Variants in HMGCLL1 observed in about 807,000 individuals in gnomAD.
HMGCLL1 encodes 3-hydroxymethyl-3-methylglutaryl-CoA lyase, cytoplasmic.
HMGCLL1 carries 36 observed loss-of-function variants against 39.1 expected under a neutral mutation model. That is an observed-to-expected ratio of 0.92 (90% CI 0.71 to 1.22). The LOEUF is 1.22. HMGCLL1 is among the 50% of genes most tolerant of loss of function. The probability of loss-of-function intolerance (pLI) is 0.00; values close to 1 mark genes in which losing one functional copy is unlikely to be tolerated. For synonymous variants in HMGCLL1, 149 were observed against 144.0 expected (o/e 1.03, Z -0.25); for missense variants, 451 against 416.5 (o/e 1.08, Z -0.72).
chr6:55,504,920 A>C (rs1000386141), intron 5 of HMGCLL1, among the ~76,000 whole-genome samples: 1 of 151,670 alleles, frequency 6.6e-6, no homozygotes, highest in African/African-American at 2.4e-5. Flanking sequence ...CATATTTGAG[A>C]GATCAGAACT....
At position 55,501,076 on chromosome 6, in the gene HMGCLL1, A is replaced by G. The variant is rs147032488; in HGVS notation, c.543-1777T>C. On this transcript the variant is annotated intron_variant, in intron 5 of 8. Transcript: ENST00000274901. The stretch of plus-strand genomic sequence containing the variant: ...TTTTATTTATTCACACTTTCCCTCC[A>G]GGACATTTCCATGCCTGTGTTTCTG... Among the ~76,000 whole-genome samples, 4 of 149,396 alleles carry G rather than the reference A, an allele frequency of 2.7e-5. No homozygotes were observed. The East Asian group carries it at 8.0e-4, about 30-fold the overall frequency.
At chr6:55,648,354 A>T in the HMGCLL1 span, among the ~76,000 whole-genome samples, 1 of 148,216 alleles carries the variant, frequency 6.7e-6, no homozygotes, top group African/African-American at 2.5e-5. Context: ...AAGGCAAGAA[A>T]TAACTAAAAT....
chr6:55,675,879 T>C, the HMGCLL1 span, among the ~76,000 whole-genome samples: 1 of 152,128 alleles, frequency 6.6e-6, no homozygotes, highest in African/African-American at 2.4e-5. Context: ...TAATTCTTAT[T>C]ATAACACAAA....
At chr6:55,585,933 T>C in the HMGCLL1 span, among the ~76,000 whole-genome samples, 2 of 152,110 alleles carry the variant, frequency 1.3e-5, no homozygotes. Flanking sequence ...GCAAAGCATA[T>C]CTATTTTAAT....
chr6:55,599,062 A>G, the HMGCLL1 span, among the ~76,000 whole-genome samples: 7 of 152,100 alleles, frequency 4.6e-5, no homozygotes, highest in Non-Finnish European at 8.8e-5. Context: ...GAGCTGAACA[A>G]TGAGAACACA....
chr6:55,639,680 A>G, the HMGCLL1 span, among the ~76,000 whole-genome samples: 9 of 152,086 alleles, frequency 5.9e-5, no homozygotes, highest in Non-Finnish European at 8.8e-5. Context: ...AATCACATAA[A>G]TGTTCTCTAC....
chr6:55,542,318 T>C (rs569246693), intron 1 of HMGCLL1, among the ~76,000 whole-genome samples, 178 bp from the exon 2 acceptor site: 1 of 152,226 alleles, frequency 6.6e-6, no homozygotes, highest in South Asian at 2.1e-4. Flanking sequence ...ACATGAAGTA[T>C]TTTTTCCTTA....
chr6:55,624,798 GC>G, the HMGCLL1 span, among the ~76,000 whole-genome samples: 1 of 152,090 alleles, frequency 6.6e-6, no homozygotes, highest in Non-Finnish European at 1.5e-5. Context: ...ACTGCATTTG[GC>G]CCCTCCTACA....
chr6:55,606,278 G>A, the HMGCLL1 span, among the ~76,000 whole-genome samples: 18 of 152,130 alleles, frequency 1.2e-4, no homozygotes, highest in African/African-American at 3.9e-4. Context: ...ATTTCTCAAT[G>A]ACTTTTTATA....
intron 7 of HMGCLL1, among the ~76,000 whole-genome samples, chr6:55,456,275 A>C (rs73444996): frequency 0.08 from 12,243 of 152,274 alleles, 553 homozygotes; most frequent in African/African-American, 0.12. Flanking sequence ...TCCTGTGTAA[A>C]CTGTAACATA....
intron 7 of HMGCLL1, among the ~76,000 whole-genome samples, chr6:55,486,999 C>A (rs1433507863): frequency 6.6e-6 from 1 of 151,990 alleles, no homozygotes; most frequent in Non-Finnish European, 1.5e-5. Flanking sequence ...GGAACTAATT[C>A]TATTCATGGA....
intron 7 of HMGCLL1, among the ~76,000 whole-genome samples, chr6:55,491,888 T>C (rs758720263): frequency 6.6e-6 from 1 of 151,858 alleles, no homozygotes; most frequent in Non-Finnish European, 1.5e-5. Flanking sequence ...TTGAATTCCA[T>C]ACAACAATCT....
At chr6:55,520,091 C>T (rs2056120949) in intron 3 of HMGCLL1, among the ~76,000 whole-genome samples, 1 of 95,350 alleles carries the variant, frequency 1.0e-5, no homozygotes, top group African/African-American at 4.4e-5. Flanking sequence ...CACATCGGGG[C>T]CTGTCAGGGG....
At chr6:55,477,179 ATAT>A (rs1765352624) in intron 7 of HMGCLL1, among the ~76,000 whole-genome samples, 3 of 35,598 alleles carry the variant, frequency 8.4e-5, no homozygotes, top group East Asian at 1.5e-3. Context: ...AATATATATT[ATAT>A]TTATATATTA....
intron 8 of HMGCLL1, among the ~76,000 whole-genome samples, chr6:55,436,789 C>T (rs930104172): frequency 6.6e-6 from 1 of 151,948 alleles, no homozygotes; most frequent in Non-Finnish European, 1.5e-5. Flanking sequence ...TAGCTAATTA[C>T]TTATCTCTTT....
chr6:55,456,984 T>C (rs1266726611), intron 7 of HMGCLL1, among the ~76,000 whole-genome samples: 2 of 152,202 alleles, frequency 1.3e-5, no homozygotes, highest in African/African-American at 4.8e-5. Context: ...GTGTTCTAGT[T>C]ACCTGGTTTG....
chr6:55,526,639 C>T (rs974010252), intron 3 of HMGCLL1, among the ~76,000 whole-genome samples: 3 of 151,950 alleles, frequency 2.0e-5, no homozygotes, highest in African/African-American at 7.3e-5. Context: ...AATTCTTCTA[C>T]TATTTTATTG....
At chr6:55,642,793 C>T in the HMGCLL1 span, among the ~76,000 whole-genome samples, 1 of 152,014 alleles carries the variant, frequency 6.6e-6, no homozygotes, top group Non-Finnish European at 1.5e-5. Context: ...TCCCCCATCA[C>T]CTTCCACCCT....
intron 7 of HMGCLL1, among the ~76,000 whole-genome samples, chr6:55,459,806 T>C (rs1581804189): frequency 6.6e-6 from 1 of 150,834 alleles, no homozygotes; most frequent in Admixed American, 6.6e-5. Context: ...TCAAATGTTA[T>C]ATTGTTGAAT....
Sources: gnomAD v4.1 joint callset for allele counts (sites outside exome capture counted in the v4.1 genomes callset) on GRCh38, gnomAD v4.1.1 for gene constraint, MANE v1.5 for transcripts, NCBI Gene and HGNC (gene_info 2026-07-23, HGNC 2026-07-21) for gene names.